The following SENP7 variants were observed in gnomAD, a reference collection of about 807,000 sequenced individuals.
SENP7 encodes the protein sentrin-specific protease 7.
Under a neutral mutation model 141.2 loss-of-function variants are expected in SENP7, and 64 were observed. That is an observed-to-expected ratio of 0.45 (90% CI 0.37 to 0.56). The LOEUF (loss-of-function observed/expected upper bound fraction) is 0.56, where lower values mean the gene tolerates loss of function less well. Among genes scored for constraint, SENP7 ranks in the 20% least tolerant of loss-of-function variants. The pLI, the probability that SENP7 is intolerant of heterozygous loss-of-function variation, is 0.00. For missense variants in SENP7, 1,025 were observed against 1,212.2 expected (o/e 0.85, Z 2.29); for synonymous variants, 382 against 426.4 (o/e 0.90, Z 1.28).
At position 101,379,152 on chromosome 3, in the gene SENP7, A is replaced by G. The variant is rs143486328; in HGVS notation, c.678-7026T>C. Reference sequence around the variant, plus strand: ...ATGAGGAAAGGGCAGCCTTTTCAACAAATGATGCTGGAAAAACTGAATAGC... The same window carrying G: ...ATGAGGAAAGGGCAGCCTTTTCAACGAATGATGCTGGAAAAACTGAATAGC... On this transcript the variant is annotated intron_variant, in intron 6 of 23. Transcript: ENST00000394095. Among the ~76,000 whole-genome samples, 75 of 152,328 alleles carry G rather than the reference A, an allele frequency of 4.9e-4. 1 individual carries two copies. In the East Asian group the frequency reaches 0.013, roughly 27 times the overall value.
At chr3:101,465,563 A>G (rs2063732279) in intron 3 of SENP7, among the ~76,000 whole-genome samples, 1 of 152,216 alleles carries the variant, frequency 6.6e-6, no homozygotes, top group East Asian at 1.9e-4. Context: ...AATCCAAAAA[A>G]TCATAAAAGA....
chr3:101,371,837 CTACG>C (rs2060189334), intron 7 of SENP7, among the ~76,000 whole-genome samples, 167 bp downstream of exon 7: 1 of 152,092 alleles, frequency 6.6e-6, no homozygotes, highest in Non-Finnish European at 1.5e-5. Flanking sequence ...GAAATGAGTA[CTACG>C]CTACATAAAG....
intron 5 of SENP7, among the ~76,000 whole-genome samples, chr3:101,407,113 C>T (rs926046365): frequency 2.0e-5 from 3 of 152,162 alleles, no homozygotes; most frequent in Non-Finnish European, 4.4e-5. Flanking sequence ...AACAGAACCT[C>T]TTTAAAACAT....
At chr3:101,473,578 T>C (rs1243032215) in intron 3 of SENP7, among the ~76,000 whole-genome samples, 3 of 151,950 alleles carry the variant, frequency 2.0e-5, no homozygotes, top group Non-Finnish European at 4.4e-5. Flanking sequence ...CACTTTATAA[T>C]GGGGTTGTTT....
intron 3 of SENP7, among the ~76,000 whole-genome samples, chr3:101,487,774 G>A (rs1404931286): frequency 4.6e-5 from 7 of 152,118 alleles, no homozygotes; most frequent in African/African-American, 1.7e-4. Flanking sequence ...GGTTGTAGGT[G>A]TGCAGCATTA....
rs142435996 is a variant in SENP7 at position 101,485,363 on chromosome 3, C to T, written c.186+8510G>A. Among the ~76,000 whole-genome samples, 74 of 152,154 alleles carry T rather than the reference C, an allele frequency of 4.9e-4. 1 individual carries two copies. The East Asian group carries it at 0.011, about 22-fold the overall frequency. On this transcript the variant is annotated intron_variant, in intron 3 of 23. Transcript: ENST00000394095. ...AACCCTCATAGAGTCCATTGCACCC[C>T]GCCACTACCTCCACTGGAAAAGGCA...
chr3:101,332,555 CTTTATT>C (rs1301160986), intron 18 of SENP7, among the ~76,000 whole-genome samples: 1 of 151,934 alleles, frequency 6.6e-6, no homozygotes, highest in East Asian at 1.9e-4. Flanking sequence ...TCATTTGTCA[CTTTATT>C]TTTTTTTCAC....
intron 3 of SENP7, among the ~76,000 whole-genome samples, chr3:101,460,010 T>C (rs1392795999): frequency 1.3e-5 from 2 of 152,126 alleles, no homozygotes; most frequent in Non-Finnish European, 2.9e-5. Context: ...CTGCTGAAAA[T>C]ATCAAAACAT....
At chr3:101,449,524 G>A (rs866564286) in intron 4 of SENP7, among the ~76,000 whole-genome samples, 3 of 152,206 alleles carry the variant, frequency 2.0e-5, no homozygotes, top group Admixed American at 6.5e-5. Flanking sequence ...TGATCTCTTG[G>A]CAGAAACTCT....
chr3:101,353,732 T>C (rs1005262940), intron 11 of SENP7, among the ~76,000 whole-genome samples: 4 of 152,026 alleles, frequency 2.6e-5, no homozygotes, highest in Non-Finnish European at 5.9e-5. Flanking sequence ...TTGCAGCATT[T>C]GCTACACTAA....
At chr3:101,390,710 C>T (rs2060794909) in intron 6 of SENP7, among the ~76,000 whole-genome samples, 1 of 152,000 alleles carries the variant, frequency 6.6e-6, no homozygotes, top group Non-Finnish European at 1.5e-5. Context: ...AGAAATTGAA[C>T]AACAAAGTAT....
chr3:101,329,702 C>G (rs893316700), intron 20 of SENP7, among the ~76,000 whole-genome samples: 1 of 150,356 alleles, frequency 6.7e-6, no homozygotes, highest in Admixed American at 6.7e-5. Flanking sequence ...CTTTGGGAGG[C>G]CCAGGCAGGC....
intron 13 of SENP7, among the ~76,000 whole-genome samples, chr3:101,346,886 T>A (rs572899029): frequency 1.5e-4 from 23 of 150,788 alleles, no homozygotes; most frequent in Middle Eastern, 6.8e-3. Context: ...ACCACCGGTT[T>A]CCCAAAAACC....
At chr3:101,377,451 A>G (rs1021038108) in intron 6 of SENP7, among the ~76,000 whole-genome samples, 3 of 152,184 alleles carry the variant, frequency 2.0e-5, no homozygotes, top group Non-Finnish European at 4.4e-5. Flanking sequence ...AGTGTACATA[A>G]GTCTAAGAGT....
chr3:101,501,461 TCAGA>T (rs1156606172), intron 1 of SENP7, among the ~76,000 whole-genome samples: 1 of 152,072 alleles, frequency 6.6e-6, no homozygotes, highest in East Asian at 1.9e-4. Flanking sequence ...AACCATTTGA[TCAGA>T]CAAATTCTTA....
At chr3:101,445,155 T>C (rs1220322869) in intron 4 of SENP7, among the ~76,000 whole-genome samples, 3 of 152,048 alleles carry the variant, frequency 2.0e-5, no homozygotes, top group Non-Finnish European at 2.9e-5. Context: ...ACAAAAACTT[T>C]CTAGGCCAGG....
chr3:101,332,705 A>T, intron 18 of SENP7, 65 bp downstream of exon 18: 1 of 1,119,748 alleles, frequency 8.9e-7, no homozygotes, highest in South Asian at 2.4e-5. Flanking sequence ...TATGAATCTA[A>T]AAACACTACA....
intron 5 of SENP7, among the ~76,000 whole-genome samples, chr3:101,408,700 G>A (rs1486371318): frequency 6.6e-6 from 1 of 152,142 alleles, no homozygotes; most frequent in East Asian, 1.9e-4. Flanking sequence ...CACCTCAATC[G>A]ATGCAGAAAA....
At position 101,340,222 on chromosome 3, in the gene SENP7, A is replaced by G; in HGVS notation, c.2241-11T>C. On this transcript the variant is annotated splice_polypyrimidine_tract_variant and intron_variant, in intron 15 of 23. Transcript: ENST00000394095. ...GGATATACAATCAACCTTAAAAGTAAAAATAAAGTTAACATATACTGATAT... is the reference window on the plus strand; with the variant it reads ...GGATATACAATCAACCTTAAAAGTAGAAATAAAGTTAACATATACTGATAT... 1.9e-6 allele frequency: 3 copies of G among 1,577,572 alleles called. No individual in the cohort carries two copies. The highest frequency in any genetic ancestry group is 2.6e-6 in the Non-Finnish European group (3 of 1,166,396).
Sources: allele counts gnomAD v4.1 joint callset (sites outside exome capture counted in the v4.1 genomes callset), GRCh38; gene constraint gnomAD v4.1.1; transcripts MANE v1.5; gene names NCBI Gene and HGNC (gene_info 2026-07-23, HGNC 2026-07-21).